MAML2: variants seen among roughly 807,000 people sequenced by gnomAD.
MAML2 encodes the protein mastermind like transcriptional coactivator 2, also known as mastermind-like protein 2.
A neutral mutation model predicts 96.1 loss-of-function variants in MAML2; 22 were observed. That is an observed-to-expected ratio of 0.23 (90% CI 0.16 to 0.33). MAML2 has a LOEUF of 0.33. Ranked by LOEUF, MAML2 falls within the 10% of genes least tolerant of loss-of-function variation. The probability of loss-of-function intolerance (pLI) is 1.00; values close to 1 mark genes in which losing one functional copy is unlikely to be tolerated. For synonymous variants in MAML2, 561 were observed against 521.3 expected (o/e 1.08, Z -1.04); for missense variants, 1,367 against 1,392.4 (o/e 0.98, Z 0.29).
chr11:96,235,689 G>T (rs1200089184), intron 1 of MAML2, among the ~76,000 whole-genome samples: 3 of 152,102 alleles, frequency 2.0e-5, no homozygotes, highest in African/African-American at 4.8e-5. Flanking sequence ...TTTTTAAAAG[G>T]AGTTTATTTT....
intron 1 of MAML2, among the ~76,000 whole-genome samples, chr11:96,219,881 C>T (rs143711175): frequency 0.022 from 3,387 of 152,212 alleles, 49 homozygotes; most frequent in Non-Finnish European, 0.031. Flanking sequence ...ACCTCGGCCT[C>T]CCAAAGTGCT....
Position 96,343,026 on chromosome 11 carries a change from C to A in MAML2, c.-1131G>T, listed in dbSNP as rs950006252. The A allele has an allele frequency of 5.1e-6, 2 of 394,872 alleles. No individual in the cohort carries two copies. The highest frequency in any genetic ancestry group is 8.9e-6 in the Non-Finnish European group (2 of 224,116). The allele number at this position is 394,872 out of a possible 1,614,324, so 24.5% of individuals were successfully genotyped here. ...CTCGCAATAAGCAATCTGGTTCTAT[C>A]TCCTGTATTTGCTCCGCTTTATAGA... On this transcript the variant is annotated 5_prime_UTR_variant, in exon 1 of 5. Coordinates refer to ENST00000524717, the MANE Select transcript of MAML2 (RefSeq NM_032427.4).
chr11:96,331,768 A>C (rs548171736), intron 1 of MAML2, among the ~76,000 whole-genome samples: 1 of 151,066 alleles, frequency 6.6e-6, no homozygotes, highest in South Asian at 2.1e-4. Context: ...CAGTGAGCCA[A>C]GATTGCACTG....
intron 1 of MAML2, among the ~76,000 whole-genome samples, chr11:96,254,482 C>CT (rs1372145167): frequency 6.8e-6 from 1 of 147,560 alleles, no homozygotes; most frequent in African/African-American, 2.5e-5. Flanking sequence ...TCTTTGGGAT[C>CT]TTTTTTACCT....
Position 95,979,479 on chromosome 11 carries a change from C to A in MAML2, c.2940G>T (p.Thr980=), listed in dbSNP as rs147042613. ...EGTSKQQEAL[T]SAGVRFPTGT... ...CTGTGGGGAAGCGGACTCCTGCAGA[C>A]GTCAGGGCTTCTTGCTGTTTGCTTG... Residue 980 remains threonine, a synonymous_variant, in exon 5 of 5, where the codon ACG becomes ACT. Transcript: ENST00000524717. The A allele has an allele frequency of 6.7e-5, 108 of 1,613,434 alleles. No homozygotes were observed. The highest frequency in any genetic ancestry group is 1.6e-4 in the Middle Eastern group (1 of 6,084).
chr11:96,055,894 C>T (rs902122000), intron 2 of MAML2, among the ~76,000 whole-genome samples: 2 of 151,966 alleles, frequency 1.3e-5, no homozygotes, highest in Non-Finnish European at 2.9e-5. Context: ...AAGAAGCTGA[C>T]AAGACAAAAG....
chr11:96,046,425 A>G (rs1858902538), intron 2 of MAML2, among the ~76,000 whole-genome samples: 1 of 152,090 alleles, frequency 6.6e-6, no homozygotes, highest in Non-Finnish European at 1.5e-5. Context: ...TAGTTTCAAA[A>G]CTATGAATGG....
At chr11:96,275,269 ATTTTTTTTTTTTTTT>A (rs56407815) in intron 1 of MAML2, among the ~76,000 whole-genome samples, 1 of 111,740 alleles carries the variant, frequency 8.9e-6, no homozygotes, top group Non-Finnish European at 1.7e-5. Flanking sequence ...ACACTAAGGA[ATTTTTTTTTTTTTTT>A]TTTTTTTTTT....
chr11:96,341,336 A>T (rs1315281943), intron 1 of MAML2, 47 bp downstream of exon 1: 1 of 1,472,710 alleles, frequency 6.8e-7, no homozygotes, highest in African/African-American at 1.4e-5. Flanking sequence ...ACCCTCACAA[A>T]AGGTCACAGG....
intron 2 of MAML2, among the ~76,000 whole-genome samples, chr11:96,021,478 G>T (rs916032607): frequency 7.9e-5 from 12 of 152,194 alleles, no homozygotes; most frequent in African/African-American, 2.9e-4. Context: ...CTGGGCCTAA[G>T]GTAGGACTGC....
At chr11:96,194,902 T>C (rs1158005708) in intron 1 of MAML2, among the ~76,000 whole-genome samples, 1 of 152,244 alleles carries the variant, frequency 6.6e-6, no homozygotes, top group Admixed American at 6.5e-5. Context: ...AGGCTTTATA[T>C]TTAGAATGAA....
intron 1 of MAML2, among the ~76,000 whole-genome samples, chr11:96,217,140 G>T (rs1395935254): frequency 6.6e-6 from 1 of 152,174 alleles, no homozygotes; most frequent in Non-Finnish European, 1.5e-5. Context: ...TTACACTGCT[G>T]TTCCTATTAA....
chr11:96,162,458 A>C (rs1266788013), intron 1 of MAML2, among the ~76,000 whole-genome samples: 1 of 152,064 alleles, frequency 6.6e-6, no homozygotes, highest in Non-Finnish European at 1.5e-5. Flanking sequence ...TCACACCTGT[A>C]ATCCTAGCAC....
rs71040124 is a variant in MAML2, at chr11:95,988,488, G to GA, written c.2344-2847_2344-2846insT. Among the ~76,000 whole-genome samples the GA allele has an allele frequency of 1.5e-3, 221 of 145,976 alleles. 1 individual carries two copies. The highest frequency in any genetic ancestry group is 5.2e-3 in the African/African-American group (207 of 39,978). ...TTTGTCAGGCTTGTCTCCACCAGAGGCTAAACTGTTGTTCAAAGGGTTTTC... is the reference window on the plus strand; with the variant it reads ...TTTGTCAGGCTTGTCTCCACCAGAGGACTAAACTGTTGTTCAAAGGGTTTTC... On this transcript the variant is annotated intron_variant, in intron 3 of 4. Transcript: ENST00000524717.
chr11:96,275,044 T>C (rs1862968503), intron 1 of MAML2, among the ~76,000 whole-genome samples: 1 of 152,130 alleles, frequency 6.6e-6, no homozygotes, highest in South Asian at 2.1e-4. Flanking sequence ...TCAATTTTAA[T>C]GGCTGCATAA....
chr11:96,296,262 G>C (rs1863297430), intron 1 of MAML2, among the ~76,000 whole-genome samples: 1 of 151,946 alleles, frequency 6.6e-6, no homozygotes, highest in Non-Finnish European at 1.5e-5. Context: ...GCAAATAATG[G>C]GTCATGGAAT....
intron 1 of MAML2, among the ~76,000 whole-genome samples, chr11:96,162,887 C>T (rs927166734): frequency 1.1e-4 from 17 of 152,262 alleles, no homozygotes; most frequent in African/African-American, 3.9e-4. Context: ...ACCATCCTTC[C>T]CAATTAGCCA....
At chr11:96,018,702 C>G (rs1044250893) in intron 2 of MAML2, among the ~76,000 whole-genome samples, 19 of 152,142 alleles carry the variant, frequency 1.2e-4, no homozygotes, top group African/African-American at 4.3e-4. Context: ...GTTCAAGCAA[C>G]TCTCTTGCCT....
chr11:96,264,033 C>T (rs1230400560), intron 1 of MAML2, among the ~76,000 whole-genome samples: 2 of 152,060 alleles, frequency 1.3e-5, no homozygotes, highest in Non-Finnish European at 2.9e-5. Flanking sequence ...CAAAAAAGAC[C>T]CAGATCACTT....
Sources: gnomAD v4.1 joint callset for allele counts (sites outside exome capture counted in the v4.1 genomes callset) on GRCh38, gnomAD v4.1.1 for gene constraint, MANE v1.5 for transcripts, NCBI Gene and HGNC (gene_info 2026-07-23, HGNC 2026-07-21) for gene names.